The following LRIG2 variants were observed in gnomAD, a reference collection of about 807,000 sequenced individuals.
The protein encoded by LRIG2 is leucine rich repeats and immunoglobulin like domains 2, also known as leucine-rich repeats and immunoglobulin-like domains protein 2.
Under a neutral mutation model 107.8 loss-of-function variants are expected in LRIG2, and 93 were observed. The observed-to-expected ratio is 0.86, with a 90% CI of 0.73 to 1.03. The LOEUF (loss-of-function observed/expected upper bound fraction) is 1.03. LRIG2 is among the 50% of genes least tolerant of loss of function. The pLI is 0.00. For synonymous variants in LRIG2, 471 were observed against 470.6 expected, an observed-to-expected ratio of 1.00 and a Z score of -0.01; for missense variants, 1,226 against 1,296.0, an observed-to-expected ratio of 0.95 and a Z score of 0.83.
chr1:113,073,360 TTTCTAGCAGGCAG>T lies in LRIG2; in HGVS notation c.-46_-34del. ...GCTGAGCTTCTCCGCCGATCCTCCT[TTTCTAGCAGGCAG>T]CTCTTCTAGGCCACGTCCAGGTCGA... On this transcript the variant is annotated 5_prime_UTR_variant, in exon 1 of 18. Transcript: ENST00000361127. The T allele has an allele frequency of 6.7e-7, 1 of 1,501,022 alleles. No homozygotes were observed. The highest frequency in any genetic ancestry group is 2.3e-5 in the East Asian group (1 of 44,208). 93.0% of individuals were successfully genotyped at this position (1,501,022 alleles called of 1,614,324 possible).
Position 113,124,986 on chromosome 1 carries a change from C to A in LRIG2, c.*885C>A, listed in dbSNP as rs967899205. On this transcript the variant is annotated 3_prime_UTR_variant, in exon 18 of 18. Coordinates refer to ENST00000361127, the MANE Select transcript of LRIG2 (RefSeq NM_014813.3). ...GACCAGGCTGGGCAACATGGTGAGA[C>A]CCTGTGTCTGCAAAAAAATAAATTA... 2 of 151,884 alleles carry A rather than the reference C, an allele frequency of 1.3e-5. No homozygotes were observed. The highest frequency in any genetic ancestry group is 4.8e-5 in the African/African-American group (2 of 41,320). The allele number at this position is 151,884 out of a possible 1,614,324, so 9.4% of individuals were successfully genotyped here. A position where few individuals can be genotyped will look rare whatever the true frequency, so the allele number is the denominator to read the frequency against.
In LRIG2 at chr1:113,114,709, A is replaced by G. The variant is rs1553230844; in HGVS notation, c.2363A>G (p.Asn788Ser). 3.7e-6 allele frequency: 6 copies of G among 1,614,152 alleles called. No homozygotes were observed. Among genetic ancestry groups the G allele is most frequent in the Admixed American group, 3.3e-5 (2 of 60,020 alleles). Residue 788 changes from asparagine (N) to serine (S), a missense_variant, in exon 15 of 18, where the codon AAT (asparagine) becomes AGT (serine). By Grantham distance (46) the Asn-to-Ser change is conservative. Transcript: ENST00000361127. Reference protein sequence around the residue: ...HIYLNVISSPNCDSSQSSIGH... With the variant: ...HIYLNVISSPSCDSSQSSIGH... Reference sequence around the variant, plus strand: ...TACCTAAATGTCATTTCATCCCCCAATTGTGACTCTTCCCAGAGTAGCATT... The same window carrying G: ...TACCTAAATGTCATTTCATCCCCCAGTTGTGACTCTTCCCAGAGTAGCATT...
chr1:113,131,802 TTGTGTGTGTGTGTGTGTGTG>T lies in LRIG2; in HGVS notation c.*7724_*7743del, dbSNP rs56809946. 6.8e-6 allele frequency: 1 copy of T among 147,726 alleles called. No homozygotes were observed. The highest frequency in any genetic ancestry group is 2.5e-5 in the African/African-American group (1 of 39,742). The allele number at this position is 147,726 out of a possible 1,614,324, so 9.2% of individuals were successfully genotyped here. ...GGTTTTGTCAGTAGTAAGGTAGGTT[TTGTGTGTGTGTGTGTGTGTG>T]TGTGTGTGTGTGTGTGTGTGTGAAG... On this transcript the variant is annotated 3_prime_UTR_variant, in exon 18 of 18. Transcript: ENST00000361127.
intron 1 of LRIG2, among the ~76,000 whole-genome samples, chr1:113,086,093 G>A (rs1235116885): frequency 7.5e-6 from 1 of 132,688 alleles, no homozygotes; most frequent in African/African-American, 2.8e-5. Flanking sequence ...GGCAACTTCC[G>A]CCTCCTGTTC....
Position 113,073,658 on chromosome 1 carries a change from G to A in LRIG2, c.239+13G>A. The A allele has an allele frequency of 1.2e-6, 2 of 1,602,402 alleles. No individual in the cohort carries two copies. Among genetic ancestry groups the A allele is most frequent in the Non-Finnish European group, 8.5e-7 (1 of 1,173,966 alleles). ...ACACCGCTATCCTGTGAGTAGAGCGGCCAGGCAGAGTGACCAAAAGGAGGG... is the reference window on the plus strand; with the variant it reads ...ACACCGCTATCCTGTGAGTAGAGCGACCAGGCAGAGTGACCAAAAGGAGGG... On this transcript the variant is annotated intron_variant, in intron 1 of 17. Coordinates refer to ENST00000361127, the MANE Select transcript of LRIG2 (RefSeq NM_014813.3).
chr1:113,122,945 A>AT (rs1269965777), intron 17 of LRIG2, among the ~76,000 whole-genome samples: 1 of 152,216 alleles, frequency 6.6e-6, no homozygotes, highest in Non-Finnish European at 1.5e-5. Flanking sequence ...TTTTTCTAAA[A>AT]TGTACCCTAT....
chr1:113,097,947 T>C (rs567695783), intron 8 of LRIG2, among the ~76,000 whole-genome samples: 2 of 152,340 alleles, frequency 1.3e-5, no homozygotes, highest in Non-Finnish European at 2.9e-5. Context: ...AGGGATCTCC[T>C]CTTTACTGCT....
At chr1:113,123,763 T>TGTGTG in intron 17 of LRIG2, 112 bp from the exon 18 acceptor site, 1 of 684,952 alleles carries the variant, frequency 1.5e-6, no homozygotes, top group African/African-American at 1.9e-5. Context: ...GTGTGTGTGA[T>TGTGTG]TTCAGTGTCC....
chr1:113,076,819 ACT>A (rs1196218446), intron 1 of LRIG2, among the ~76,000 whole-genome samples: 2 of 151,822 alleles, frequency 1.3e-5, no homozygotes, highest in African/African-American at 2.4e-5. Context: ...TGTATGAGAA[ACT>A]CTCTAGAATA....
At chr1:113,076,728 G>T (rs1652997755) in intron 1 of LRIG2, among the ~76,000 whole-genome samples, 1 of 152,124 alleles carries the variant, frequency 6.6e-6, no homozygotes, top group Non-Finnish European at 1.5e-5. Flanking sequence ...GCTCAAACTT[G>T]TGACCATCAA....
chr1:113,096,436 A>G (rs994553188), intron 8 of LRIG2, 71 bp downstream of exon 8: 1 of 1,490,690 alleles, frequency 6.7e-7, no homozygotes, highest in Non-Finnish European at 9.1e-7. Context: ...AATTAATTAA[A>G]ACAACTAATC....
intron 16 of LRIG2, among the ~76,000 whole-genome samples, chr1:113,117,995 C>A (rs1655089007): frequency 1.3e-5 from 2 of 152,020 alleles, no homozygotes. Flanking sequence ...TCTCAGCTCA[C>A]TGTAACCTTT....
chr1:113,085,337 G>A lies in LRIG2; in HGVS notation c.240-5981G>A, dbSNP rs140918931. ...TCATTCTTGTTGCCCAGGCTGGAGT[G>A]CAATGGTGGGATCTCTGCTCACCGC... On this transcript the variant is annotated intron_variant, in intron 1 of 17. Coordinates refer to ENST00000361127, the MANE Select transcript of LRIG2 (RefSeq NM_014813.3). Among the ~76,000 whole-genome samples, 53 of 152,262 alleles carry A rather than the reference G, an allele frequency of 3.5e-4. No individual in the cohort carries two copies. In the East Asian group the frequency reaches 9.9e-3, roughly 28 times the overall value.
intron 2 of LRIG2, among the ~76,000 whole-genome samples, chr1:113,092,063 TCTC>T (rs1471929512): frequency 2.0e-5 from 3 of 152,338 alleles, no homozygotes; most frequent in Non-Finnish European, 2.9e-5. Context: ...CTCTGCATTC[TCTC>T]CTCCTGGCCC....
rs1287775672 is a variant in LRIG2 at position 113,123,985 on chromosome 1, C to T, written c.3082C>T (p.Leu1028=). ...ESPQLHQNEG[L]AGREPDCSAS... is the part of the protein sequence containing the mutation. ...ACCACAACTTCATCAAAATGAGGGC[C>T]TGGCAGGGAGAGAGCCAGACTGTTC... Residue 1028 remains leucine (L), a synonymous_variant, in exon 18 of 18, where the codon CTG becomes TTG. Transcript: ENST00000361127. The T allele has an allele frequency of 4.3e-6, 7 of 1,614,086 alleles. No homozygotes were observed. Among genetic ancestry groups the T allele is most frequent in the South Asian group, 2.2e-5 (2 of 91,078 alleles).
Position 113,116,455 on chromosome 1 carries a change from A to T in LRIG2, c.2680+19A>T. 6.4e-7 allele frequency: 1 copy of T among 1,574,146 alleles called. No homozygotes were observed. The highest frequency in any genetic ancestry group is 8.7e-7 in the Non-Finnish European group (1 of 1,154,514). On this transcript the variant is annotated intron_variant, in intron 16 of 17. Transcript: ENST00000361127. Reference sequence around the variant, plus strand: ...ACTGACGGTAATGACTCTGTTGTTTATGGTTACAATTTCAGCCTATTCTAT... The same window carrying T: ...ACTGACGGTAATGACTCTGTTGTTTTTGGTTACAATTTCAGCCTATTCTAT...
At chr1:113,089,676 C>CTTTTTT (rs35515644) in intron 1 of LRIG2, among the ~76,000 whole-genome samples, 2,509 of 71,576 alleles carry the variant, frequency 0.035, 188 homozygotes, top group Non-Finnish European at 0.046. Context: ...AGGTGGATTG[C>CTTTTTT]TTTTTTTTTT....
At chr1:113,094,901 C>G in intron 6 of LRIG2, 146 bp downstream of exon 6, 1 of 696,924 alleles carries the variant, frequency 1.4e-6, no homozygotes, top group South Asian at 4.7e-5. Flanking sequence ...TACATAAAAC[C>G]TTTAAAGTTT....
At chr1:113,098,104 C>T (rs955775461) in intron 8 of LRIG2, among the ~76,000 whole-genome samples, 1 of 152,054 alleles carries the variant, frequency 6.6e-6, no homozygotes, top group Non-Finnish European at 1.5e-5. Flanking sequence ...ATTGCATTTC[C>T]TCTGAGAATG....
Sources: gnomAD v4.1 joint callset for allele counts (sites outside exome capture counted in the v4.1 genomes callset) on GRCh38, gnomAD v4.1.1 for gene constraint, MANE v1.5 for transcripts, NCBI Gene and HGNC (gene_info 2026-07-23, HGNC 2026-07-21) for gene names.